MAP2K1: variants seen among roughly 807,000 people sequenced by gnomAD.
The protein encoded by MAP2K1 is dual specificity mitogen-activated protein kinase kinase 1.
Under a neutral mutation model 46.3 loss-of-function variants are expected in MAP2K1, and 16 were observed. The ratio of observed to expected loss-of-function variants is 0.35; its 90% CI spans 0.23 to 0.52. The LOEUF (loss-of-function observed/expected upper bound fraction) is 0.52, where lower values mean the gene tolerates loss of function less well. Ranked by LOEUF, MAP2K1 falls within the 20% of genes least tolerant of loss-of-function variation. The probability of loss-of-function intolerance (pLI) is 0.94; values close to 1 mark genes in which losing one functional copy is unlikely to be tolerated. For synonymous variants in MAP2K1, 183 were observed against 185.6 expected, an observed-to-expected ratio of 0.99 and a Z score of 0.11; for missense variants, 263 against 497.1, an observed-to-expected ratio of 0.53 and a Z score of 4.48.
Position 66,441,507 on chromosome 15 carries a change from CA to C in MAP2K1, c.439-1765del, listed in dbSNP as rs541198724. On this transcript the variant is annotated intron_variant, in intron 3 of 10. Transcript: ENST00000307102. ...GCAACAAAGTGAGACTCCCCATCTA[CA>C]AAAAAAATCAAAAATAGCTGGGTGG... Among the ~76,000 whole-genome samples, 11 of 151,508 alleles carry C rather than the reference CA, an allele frequency of 7.3e-5. No individual in the cohort carries two copies. In the South Asian group the frequency reaches 2.1e-3, roughly 29 times the overall value.
intron 5 of MAP2K1, among the ~76,000 whole-genome samples, chr15:66,454,961 A>G (rs1892128430): frequency 6.6e-6 from 1 of 152,160 alleles, no homozygotes; most frequent in Non-Finnish European, 1.5e-5. Context: ...AAACCACGGT[A>G]GGGTGGGAAC....
At chr15:66,478,252 A>AT (rs200603821) in intron 5 of MAP2K1, among the ~76,000 whole-genome samples, 1,764 of 146,596 alleles carry the variant, frequency 0.012, 44 homozygotes, top group African/African-American at 0.043. Flanking sequence ...ATATATATAT[A>AT]AAAATCTGTG....
intron 5 of MAP2K1, among the ~76,000 whole-genome samples, chr15:66,466,153 C>A (rs1160851250): frequency 6.6e-6 from 1 of 152,174 alleles, no homozygotes; most frequent in Non-Finnish European, 1.5e-5. Context: ...CTTTATAAAT[C>A]AAGTTGGATT....
chr15:66,445,145 A>G (rs12906494), intron 5 of MAP2K1, among the ~76,000 whole-genome samples: 8,086 of 36,028 alleles, frequency 0.22, 332 homozygotes, highest in Middle Eastern at 0.34. Flanking sequence ...GCCGAGGGGC[A>G]GCGGGGGGAG....
chr15:66,411,303 T>C (rs2093410762), intron 1 of MAP2K1, among the ~76,000 whole-genome samples: 1 of 152,150 alleles, frequency 6.6e-6, no homozygotes, highest in Non-Finnish European at 1.5e-5. Context: ...ACAGATGTCA[T>C]GAATATACTA....
At chr15:66,389,572 GT>G (rs375412152) in intron 1 of MAP2K1, among the ~76,000 whole-genome samples, 31,786 of 86,176 alleles carry the variant, frequency 0.37, 3,600 homozygotes, top group East Asian at 0.44. Context: ...CTCTGTTGTG[GT>G]TTTTTTTTTT....
chr15:66,464,182 G>A (rs1178972451), intron 5 of MAP2K1, among the ~76,000 whole-genome samples: 2 of 152,048 alleles, frequency 1.3e-5, no homozygotes, highest in African/African-American at 2.4e-5. Flanking sequence ...CGGATCTCTC[G>A]CGGCTAGGAC....
intron 6 of MAP2K1, among the ~76,000 whole-genome samples, chr15:66,483,748 CTTT>C (rs750947705): frequency 3.1e-5 from 4 of 131,114 alleles, no homozygotes; most frequent in Non-Finnish European, 3.2e-5. Context: ...CATACATTTT[CTTT>C]TTTTTTTTTT....
intron 1 of MAP2K1, among the ~76,000 whole-genome samples, chr15:66,421,555 C>G (rs1030956965): frequency 3.3e-5 from 5 of 151,576 alleles, no homozygotes; most frequent in African/African-American, 1.2e-4. Context: ...AATCTCAGCA[C>G]TTTGGGAGGC....
chr15:66,433,153 A>G (rs952497942), intron 1 of MAP2K1, among the ~76,000 whole-genome samples: 2 of 152,214 alleles, frequency 1.3e-5, no homozygotes, highest in Admixed American at 1.3e-4. Context: ...GAGACCTTGG[A>G]GAAAGGAAAC....
chr15:66,484,228 A>G (rs925554440), intron 6 of MAP2K1, among the ~76,000 whole-genome samples: 1 of 149,752 alleles, frequency 6.7e-6, no homozygotes, highest in Admixed American at 6.6e-5. Context: ...GCTCACTGCA[A>G]CCTCTGCCTC....
intron 3 of MAP2K1, among the ~76,000 whole-genome samples, chr15:66,441,562 A>G (rs924953185): frequency 6.6e-6 from 1 of 151,822 alleles, no homozygotes; most frequent in African/African-American, 2.4e-5. Context: ...TCCCAACTAC[A>G]CGGAAGGCTG....
rs371815879 is a variant in MAP2K1, at chr15:66,423,397, C to T, written c.81-11630C>T. On this transcript the variant is annotated intron_variant, in intron 1 of 10. Coordinates refer to ENST00000307102, the MANE Select transcript of MAP2K1 (RefSeq NM_002755.4). ...TTATCTCTTGATAAGGTTGTTCCCC[C>T]CCATCCCACTTCCCAACCCTTCTTG... Among the ~76,000 whole-genome samples, 11 of 150,586 alleles carry T rather than the reference C, an allele frequency of 7.3e-5. 1 individual carries two copies. The East Asian group carries it at 2.1e-3, about 29-fold the overall frequency.
intron 1 of MAP2K1, among the ~76,000 whole-genome samples, chr15:66,420,759 G>GTGTGTGTGTATA (rs1252003697): frequency 7.2e-4 from 29 of 40,052 alleles, no homozygotes; most frequent in East Asian, 1.8e-3. Flanking sequence ...GTGTGTGTGT[G>GTGTGTGTGTATA]TATGTGTGTA....
chr15:66,443,733 C>G lies in MAP2K1; in HGVS notation c.516+376C>G, dbSNP rs1280247577. ...AAAAAAATAAAAATAAATAGCTGGG[C>G]GTGGTGGTGCACACGTGTAGTCCCA... On this transcript the variant is annotated intron_variant, in intron 4 of 10. Transcript: ENST00000307102. 3.9e-5 allele frequency among the ~76,000 whole-genome samples: 6 copies of G among 152,086 alleles called. No individual in the cohort carries two copies. In the South Asian group the frequency reaches 1.2e-3, roughly 32 times the overall value.
intron 5 of MAP2K1, among the ~76,000 whole-genome samples, chr15:66,478,050 G>A (rs1035566844): frequency 1.3e-5 from 2 of 151,824 alleles, no homozygotes; most frequent in Admixed American, 6.6e-5. Context: ...ACTAGGCCCA[G>A]GGAAAGAACA....
intron 5 of MAP2K1, among the ~76,000 whole-genome samples, chr15:66,465,289 A>C (rs2140639846): frequency 6.6e-6 from 1 of 152,168 alleles, no homozygotes; most frequent in Non-Finnish European, 1.5e-5. Context: ...TCCAACAACC[A>C]AGCTCCCCAA....
intron 3 of MAP2K1, among the ~76,000 whole-genome samples, chr15:66,438,782 C>T (rs542622993): frequency 6.6e-6 from 1 of 152,120 alleles, no homozygotes; most frequent in African/African-American, 2.4e-5. Flanking sequence ...GTGTCTGGCA[C>T]CTGTTAGGTG....
At chr15:66,421,796 C>G (rs1426405355) in intron 1 of MAP2K1, among the ~76,000 whole-genome samples, 4 of 120,780 alleles carry the variant, frequency 3.3e-5, no homozygotes, top group Non-Finnish European at 5.2e-5. Context: ...GACTCCATCT[C>G]AAAAAAAAAA....
Sources: gnomAD v4.1 joint callset for allele counts (sites outside exome capture counted in the v4.1 genomes callset) on GRCh38, gnomAD v4.1.1 for gene constraint, MANE v1.5 for transcripts, NCBI Gene and HGNC (gene_info 2026-07-23, HGNC 2026-07-21) for gene names.